CNTN4: variants seen among roughly 807,000 people sequenced by gnomAD.
CNTN4 encodes contactin 4.
In CNTN4, 77 loss-of-function variants were observed where a neutral mutation model predicts 122.5. That is an observed-to-expected ratio of 0.63 (90% confidence interval 0.52 to 0.76). The LOEUF is 0.76. CNTN4 is among the 30% of genes least tolerant of loss of function. CNTN4 has a pLI of 0.00. For missense variants in CNTN4, 1,256 were observed against 1,259.1 expected (o/e 1.00, Z 0.04); for synonymous variants, 512 against 447.0 (o/e 1.15, Z -1.83).
intron 3 of CNTN4, among the ~76,000 whole-genome samples, chr3:2,420,806 A>C (rs1429037692): frequency 6.6e-6 from 1 of 152,160 alleles, no homozygotes; most frequent in South Asian, 2.1e-4. Flanking sequence ...TTCTTAAACT[A>C]GTTACACTGT....
intron 2 of CNTN4, among the ~76,000 whole-genome samples, chr3:2,224,328 A>G (rs1169434641): frequency 6.6e-6 from 1 of 152,200 alleles, no homozygotes; most frequent in Non-Finnish European, 1.5e-5. Context: ...CTCTCAAAAA[A>G]TACCCACCTG....
chr3:2,886,393 C>T (rs1356342261), intron 9 of CNTN4, among the ~76,000 whole-genome samples: 1 of 127,186 alleles, frequency 7.9e-6, no homozygotes, highest in Non-Finnish European at 1.7e-5. Context: ...GATACTCCGT[C>T]TCAAAATAAA....
At chr3:2,950,911 G>A (rs538840831) in intron 13 of CNTN4, among the ~76,000 whole-genome samples, 7 of 152,094 alleles carry the variant, frequency 4.6e-5, no homozygotes, top group Non-Finnish European at 8.8e-5. Context: ...CTTGATCATT[G>A]TCATATCTTA....
At chr3:2,192,541 A>T (rs2037627472) in intron 2 of CNTN4, among the ~76,000 whole-genome samples, 1 of 152,208 alleles carries the variant, frequency 6.6e-6, no homozygotes. Context: ...TACTCATCTG[A>T]CAAAGGGCTA....
intron 2 of CNTN4, among the ~76,000 whole-genome samples, chr3:2,312,832 T>G (rs558321146): frequency 1.5e-3 from 229 of 152,068 alleles, no homozygotes; most frequent in Non-Finnish European, 2.8e-3. Flanking sequence ...TGTTTCTGTG[T>G]GTTTGTGTGG....
chr3:2,909,439 C>G (rs1278000020), intron 12 of CNTN4, among the ~76,000 whole-genome samples: 1 of 148,488 alleles, frequency 6.7e-6, no homozygotes, highest in Non-Finnish European at 1.5e-5. Context: ...TTTTTTTTCT[C>G]TTAGTATCCA....
intron 2 of CNTN4, among the ~76,000 whole-genome samples, chr3:2,183,990 G>C (rs762940411): frequency 2.0e-5 from 3 of 149,948 alleles, no homozygotes; most frequent in Non-Finnish European, 4.4e-5. Flanking sequence ...TTCTTTTTTT[G>C]AGACGTGGTC....
chr3:2,425,349 T>C (rs1440325693), intron 3 of CNTN4, among the ~76,000 whole-genome samples: 1 of 152,172 alleles, frequency 6.6e-6, no homozygotes, highest in African/African-American at 2.4e-5. Flanking sequence ...ATTTCTTGTT[T>C]TTGTCAGGTT....
intron 6 of CNTN4, among the ~76,000 whole-genome samples, chr3:2,810,271 G>T (rs4685564): frequency 0.19 from 28,613 of 152,154 alleles, 3,380 homozygotes; most frequent in Non-Finnish European, 0.27. Flanking sequence ...TTGAGAAATT[G>T]TGTCATTTAG....
At chr3:2,414,218 A>C (rs2047331232) in intron 3 of CNTN4, among the ~76,000 whole-genome samples, 1 of 152,182 alleles carries the variant, frequency 6.6e-6, no homozygotes, top group African/African-American at 2.4e-5. Context: ...ATGATACTTG[A>C]ATTATTTATG....
chr3:2,156,041 C>T (rs73806334), intron 2 of CNTN4, among the ~76,000 whole-genome samples: 69 of 152,232 alleles, frequency 4.5e-4, no homozygotes, highest in African/African-American at 1.6e-3. Context: ...CAGAATCACT[C>T]CCCTTAGAAT....
rs1377516769 is a variant in CNTN4 at position 2,988,456 on chromosome 3, A to G, written c.1470A>G (p.Gly490=). 1 of 1,613,808 alleles carries G rather than the reference A, an allele frequency of 6.2e-7. No homozygotes were observed. Among genetic ancestry groups the G allele is most frequent in the Admixed American group, 1.7e-5 (1 of 60,018 alleles). ...ATTTTGGAACTGCTAGCAGTACTGG[A>G]AACTTGGTAGTGAAAGGTAATGGCT... The part of the protein sequence containing the change: ...TNHFGTASST[G]NLVVKDPTRV... The change falls in exon 14 of 25, where the codon GGA becomes GGG. Residue 490 remains glycine, a synonymous_variant. Coordinates refer to ENST00000418658, the MANE Select transcript of CNTN4 (RefSeq NM_175607.3).
At chr3:2,325,962 G>T (rs1481978867) in intron 2 of CNTN4, among the ~76,000 whole-genome samples, 1 of 152,168 alleles carries the variant, frequency 6.6e-6, no homozygotes, top group Non-Finnish European at 1.5e-5. Flanking sequence ...GATACAGAGT[G>T]AAAAGAATAA....
chr3:2,148,356 G>A (rs1295019147), intron 2 of CNTN4, among the ~76,000 whole-genome samples: 1 of 151,534 alleles, frequency 6.6e-6, no homozygotes, highest in Non-Finnish European at 1.5e-5. Context: ...CATTATAGGG[G>A]TACCCTGTCT....
chr3:2,615,635 A>G (rs1422380221), intron 4 of CNTN4, among the ~76,000 whole-genome samples: 1 of 152,220 alleles, frequency 6.6e-6, no homozygotes, highest in Non-Finnish European at 1.5e-5. Flanking sequence ...TATATACCCT[A>G]AAGTATACTT....
chr3:2,924,850 T>A (rs531662802), intron 12 of CNTN4, among the ~76,000 whole-genome samples: 23 of 152,264 alleles, frequency 1.5e-4, no homozygotes, highest in African/African-American at 5.5e-4. Context: ...CAGTTCAGCA[T>A]GTTCTCTAAT....
At position 2,783,049 on chromosome 3, in the gene CNTN4, T is replaced by TG. The variant is rs998246106; in HGVS notation, c.359-36434dup. The stretch of plus-strand genomic sequence containing the variant: ...ATCACAGCACTTTGGGAGGCAGACG[T>TG]GGGAGGATCACTTGAGGCCAGGAGT... On this transcript the variant is annotated intron_variant, in intron 6 of 24. Coordinates refer to ENST00000418658, the MANE Select transcript of CNTN4 (RefSeq NM_175607.3). Among the ~76,000 whole-genome samples the TG allele has an allele frequency of 4.7e-4, 72 of 151,918 alleles. 1 individual carries two copies. Among genetic ancestry groups the TG allele is most frequent in the African/African-American group, 1.7e-3 (70 of 41,446 alleles).
intron 6 of CNTN4, among the ~76,000 whole-genome samples, chr3:2,774,308 A>AC (rs145288317): frequency 0.02 from 3,009 of 151,846 alleles, 125 homozygotes; most frequent in African/African-American, 0.069. Context: ...CAGCTGCATT[A>AC]CCCCCACCCC....
intron 13 of CNTN4, among the ~76,000 whole-genome samples, chr3:2,935,779 T>C (rs2094562484): frequency 6.6e-6 from 1 of 152,234 alleles, no homozygotes. Flanking sequence ...AGGGCCATGC[T>C]GAAAAGTGCC....
Sources: gnomAD v4.1 joint callset for allele counts (sites outside exome capture counted in the v4.1 genomes callset) on GRCh38, gnomAD v4.1.1 for gene constraint, MANE v1.5 for transcripts, NCBI Gene and HGNC (gene_info 2026-07-23, HGNC 2026-07-21) for gene names.